HIPK1: variants seen among roughly 807,000 people sequenced by gnomAD.
HIPK1 encodes homeodomain-interacting protein kinase 1.
A neutral mutation model predicts 117.1 loss-of-function variants in HIPK1; 28 were observed. The ratio of observed to expected loss-of-function variants is 0.24; its 90% CI spans 0.18 to 0.33. The LOEUF is 0.33. Among genes scored for constraint, HIPK1 ranks in the 10% least tolerant of loss-of-function variants. The pLI, the probability that HIPK1 is intolerant of heterozygous loss-of-function variation, is 1.00. For synonymous variants in HIPK1, 605 were observed against 562.5 expected, an observed-to-expected ratio of 1.08 and a Z score of -1.07; for missense variants, 1,122 against 1,475.1, an observed-to-expected ratio of 0.76 and a Z score of 3.92.
In HIPK1 at chr1:113,973,185, T is replaced by C; in HGVS notation, c.3306T>C (p.Pro1102=). Residue 1102 remains proline (P), a synonymous_variant, in exon 16 of 16, where the codon CCT becomes CCC. Coordinates refer to ENST00000426820, the MANE Select transcript of HIPK1 (RefSeq NM_198268.3). ...GGCACCCACACCTTGCCCCGGCCCCTGCTCACCTGCCAAGCCAGGCTCATC... is the reference window on the plus strand; with the variant it reads ...GGCACCCACACCTTGCCCCGGCCCCCGCTCACCTGCCAAGCCAGGCTCATC... ...STGHPHLAPA[P]AHLPSQAHLY... 1 of 1,612,432 alleles carries C rather than the reference T, an allele frequency of 6.2e-7. No homozygotes were observed. Among genetic ancestry groups the C allele is most frequent in the Non-Finnish European group, 8.5e-7 (1 of 1,179,104 alleles).
At position 113,956,613 on chromosome 1, in the gene HIPK1, AT is replaced by A. The variant is rs755624283; in HGVS notation, c.1408-10del. 8 of 1,603,216 alleles carry A rather than the reference AT, an allele frequency of 5.0e-6. No homozygotes were observed. Among genetic ancestry groups the A allele is most frequent in the Non-Finnish European group, 6.8e-6 (8 of 1,174,350 alleles). ...GTTAAGTGAAGAAGTATAATTCTGA[AT>A]TTTCTTTGGAAGGTGAATATGTCTA... On this transcript the variant is annotated splice_polypyrimidine_tract_variant and intron_variant, in intron 5 of 15. Transcript: ENST00000426820.
intron 2 of HIPK1, among the ~76,000 whole-genome samples, chr1:113,944,162 T>TTTG (rs1670831068): frequency 8.3e-6 from 1 of 120,218 alleles, no homozygotes; most frequent in Admixed American, 8.2e-5. Flanking sequence ...GCCATGGGTT[T>TTTG]TTTTTTTTTT....
rs1364092175 is a variant in HIPK1 at position 113,941,578 on chromosome 1, G to A, written c.1076+119G>A. ...TTTATAGATTCTGAGATAGAAATAG[G>A]ATATGTTTTAGCTCATTCTATGTGT... On this transcript the variant is annotated intron_variant, in intron 2 of 15. Transcript: ENST00000426820. This position sits in a 1 kb window ranked among gnomAD's most constrained non-coding sequence, Gnocchi z 4.9. The A allele has an allele frequency of 6.6e-5, 52 of 792,912 alleles. No individual in the cohort carries two copies. The highest frequency in any genetic ancestry group is 1.7e-5 in the South Asian group (1 of 58,136). 49.1% of individuals were successfully genotyped at this position (792,912 alleles called of 1,614,324 possible).
At chr1:113,931,877 C>G (rs1318386540) in intron 1 of HIPK1, among the ~76,000 whole-genome samples, 2 of 152,142 alleles carry the variant, frequency 1.3e-5, no homozygotes, top group African/African-American at 2.4e-5. Context: ...TGATCTGCCA[C>G]CTGCATGAGT....
intron 8 of HIPK1, among the ~76,000 whole-genome samples, chr1:113,960,666 C>T (rs1461075860): frequency 6.6e-6 from 1 of 152,132 alleles, no homozygotes; most frequent in Non-Finnish European, 1.5e-5. Context: ...GTGGCTTAGC[C>T]TTCTTATTGG....
intron 8 of HIPK1, 94 bp from the exon 9 acceptor site, chr1:113,962,223 G>A: frequency 1.5e-6 from 2 of 1,295,314 alleles, no homozygotes; most frequent in Non-Finnish European, 2.1e-6. Flanking sequence ...CTGAACAGTG[G>A]ATTATTTGAA....
intron 2 of HIPK1, among the ~76,000 whole-genome samples, chr1:113,944,235 G>C (rs1164356956): frequency 7.5e-6 from 1 of 133,386 alleles, no homozygotes; most frequent in East Asian, 2.2e-4. Context: ...GCAGTGGTGC[G>C]ATCTCGGCTC....
chr1:113,973,670 G>T lies in HIPK1; in HGVS notation c.*158G>T, dbSNP rs1672997317. ...TGAAGCAGAAGGTTTTTCTCTGGGGGAACCTGTCTCAGTGTTGACTGCATT... is the reference window on the plus strand; with the variant it reads ...TGAAGCAGAAGGTTTTTCTCTGGGGTAACCTGTCTCAGTGTTGACTGCATT... On this transcript the variant is annotated 3_prime_UTR_variant, in exon 16 of 16. Transcript: ENST00000426820. The T allele has an allele frequency of 1.3e-6, 1 of 756,622 alleles. No homozygotes were observed. The highest frequency in any genetic ancestry group is 2.0e-6 in the Non-Finnish European group (1 of 494,352). The allele number at this position is 756,622 out of a possible 1,614,324, so 46.9% of individuals were successfully genotyped here. A position where few individuals can be genotyped will look rare whatever the true frequency, so the allele number is the denominator to read the frequency against.
chr1:113,938,900 ACT>A lies in HIPK1; in HGVS notation c.-2-1479_-2-1478del, dbSNP rs528434616. 3.2e-3 allele frequency among the ~76,000 whole-genome samples: 385 copies of A among 120,540 alleles called. 22 individuals are homozygous for A. In the South Asian group the frequency reaches 0.099, roughly 31 times the overall value. The allele number at this position is 120,540 out of a possible 152,430, so 79.1% of individuals were successfully genotyped here. On this transcript the variant is annotated intron_variant, in intron 1 of 15. Transcript: ENST00000426820. ...ACTCCAGCTTGGGCTACAGAGTGAG[ACT>A]CTGTCTCAAAAAAAAAAAAAAAAAA...
intron 9 of HIPK1, among the ~76,000 whole-genome samples, chr1:113,962,860 T>G (rs1672216190): frequency 1.3e-5 from 2 of 152,210 alleles, no homozygotes; most frequent in African/African-American, 4.8e-5. Context: ...TCATCACAGT[T>G]GAGAGGCTGG....
At chr1:113,964,182 A>G (rs979645213) in intron 10 of HIPK1, among the ~76,000 whole-genome samples, 2 of 152,210 alleles carry the variant, frequency 1.3e-5, no homozygotes, top group Non-Finnish European at 2.9e-5. Context: ...TGTAGGTCAT[A>G]TTGTTGGTTG....
intron 2 of HIPK1, among the ~76,000 whole-genome samples, chr1:113,943,845 G>A (rs1367468627): frequency 1.3e-5 from 2 of 152,078 alleles, no homozygotes; most frequent in Non-Finnish European, 2.9e-5. Flanking sequence ...GACAGGGGCT[G>A]CCTCTATTGC....
rs1459174732 is a variant in HIPK1 at position 113,962,309 on chromosome 1, T to C, written c.1982-8T>C. The C allele has an allele frequency of 1.9e-6, 3 of 1,613,090 alleles. No individual in the cohort carries two copies. The Admixed American group carries it at 5.0e-5, about 27-fold the overall frequency. ...AAAACTATTTAACTGTGATGCTGTT[T>C]TCAATAGCTGGACTACAAGCAACAA... is the stretch of plus-strand genomic sequence containing the variant. On this transcript the variant is annotated splice_region_variant and splice_polypyrimidine_tract_variant and intron_variant, in intron 8 of 15. Transcript: ENST00000426820.
At chr1:113,948,798 A>G (rs902251965) in intron 2 of HIPK1, among the ~76,000 whole-genome samples, 1 of 152,016 alleles carries the variant, frequency 6.6e-6, no homozygotes, top group Non-Finnish European at 1.5e-5. Context: ...AATTTCCCAG[A>G]AAACTTTAAG....
Position 113,974,087 on chromosome 1 carries a change from T to C in HIPK1, c.*575T>C, listed in dbSNP as rs1673014823. On this transcript the variant is annotated 3_prime_UTR_variant, in exon 16 of 16. Transcript: ENST00000426820. ...ATTTAAACTTACAGAGTTTCAGTTT[T>C]GTTTTAATGTCATATTATACTTAAT... The C allele has an allele frequency of 6.6e-6, 1 of 152,400 alleles. No individual in the cohort carries two copies. Among genetic ancestry groups the C allele is most frequent in the South Asian group, 2.1e-4 (1 of 4,838 alleles). 9.4% of individuals were successfully genotyped at this position (152,400 alleles called of 1,614,324 possible). A position where few individuals can be genotyped will look rare whatever the true frequency, so the allele number is the denominator to read the frequency against.
At chr1:113,966,965 C>T (rs1672493342) in intron 11 of HIPK1, among the ~76,000 whole-genome samples, 1 of 151,996 alleles carries the variant, frequency 6.6e-6, no homozygotes, top group African/African-American at 2.4e-5. Flanking sequence ...TTTTAGATCC[C>T]ATAAATAAGT....
At chr1:113,946,667 T>C (rs1671011388) in intron 2 of HIPK1, among the ~76,000 whole-genome samples, 1 of 152,228 alleles carries the variant, frequency 6.6e-6, no homozygotes, top group Admixed American at 6.5e-5. Context: ...AAAGTTACCC[T>C]TCGACAAAGC....
chr1:113,940,010 G>A (rs1382480888), intron 1 of HIPK1, among the ~76,000 whole-genome samples: 1 of 122,522 alleles, frequency 8.2e-6, no homozygotes, highest in Non-Finnish European at 1.6e-5. Context: ...TCACTACATT[G>A]CCTAGGCTGG....
intron 9 of HIPK1, 45 bp from the exon 10 acceptor site, chr1:113,963,342 C>T (rs766745354): frequency 5.0e-6 from 8 of 1,603,558 alleles, no homozygotes; most frequent in Non-Finnish European, 6.8e-6. Flanking sequence ...TCCAGATATC[C>T]TGCCTCCGTG....
Sources: gnomAD v4.1 joint callset for allele counts (sites outside exome capture counted in the v4.1 genomes callset) on GRCh38, gnomAD v4.1.1 for gene constraint, Gnocchi (gnomAD v3.1) non-coding constraint, MANE v1.5 for transcripts, NCBI Gene and HGNC (gene_info 2026-07-23, HGNC 2026-07-21) for gene names.